Variants in ZFYVE21 observed in about 807,000 individuals in gnomAD.
ZFYVE21 encodes zinc finger FYVE-type containing 21.
A neutral mutation model predicts 29.5 loss-of-function variants in ZFYVE21; 21 were observed. The ratio of observed to expected loss-of-function variants is 0.71; its 90% CI spans 0.50 to 1.02. The LOEUF (loss-of-function observed/expected upper bound fraction) is 1.02. Among genes scored for constraint, ZFYVE21 ranks in the 50% least tolerant of loss-of-function variants. The pLI is 0.00. For synonymous variants in ZFYVE21, 151 were observed against 133.8 expected (o/e 1.13, Z -0.89); for missense variants, 326 against 335.4 (o/e 0.97, Z 0.22).
At chr14:103,719,134 T>A (rs530832564) in intron 1 of ZFYVE21, among the ~76,000 whole-genome samples, 3 of 152,024 alleles carry the variant, frequency 2.0e-5, no homozygotes, top group Non-Finnish European at 2.9e-5. Flanking sequence ...AAAAATTAGC[T>A]GGGCGTGGTG....
At chr14:103,720,279 GGGTTCCTTTTCTGTTTGTA>G (rs2083861945) in intron 1 of ZFYVE21, among the ~76,000 whole-genome samples, 1 of 152,212 alleles carries the variant, frequency 6.6e-6, no homozygotes, top group Non-Finnish European at 1.5e-5. Flanking sequence ...TCTTTGACGT[GGGTTCCTTTTCTGTTTGTA>G]GGAGTTACGC....
chr14:103,726,949 T>TTTTTTTTTG, intron 2 of ZFYVE21, 107 bp downstream of exon 2: 13 of 686,790 alleles, frequency 1.9e-5, no homozygotes, highest in South Asian at 7.4e-5. Flanking sequence ...TTATGGCTCG[T>TTTTTTTTTG]TTTTTTTTTT....
In ZFYVE21 at chr14:103,732,640, G is replaced by C. The variant is rs1344867677; in HGVS notation, c.547G>C (p.Gly183Arg). ...TCCAGGAGGCAACGCACGGGCCACA[G>C]GCATGTTCCTGCAGTATACAGTGCC... ...PPGGGNARATGMFLQYTVPGT... is the reference protein window; with the variant it reads ...PPGGGNARATRMFLQYTVPGT... Residue 183 changes from glycine to arginine, a missense_variant, in exon 6 of 7, where the codon GGC becomes CGC. Physicochemically the swap from Gly to Arg is moderately radical, Grantham distance 125. Coordinates refer to ENST00000311141, the MANE Select transcript of ZFYVE21 (RefSeq NM_024071.4). The C allele has an allele frequency of 1.9e-6, 3 of 1,594,562 alleles. No homozygotes were observed. In the African/African-American group the frequency reaches 4.1e-5, roughly 22 times the overall value.
intron 5 of ZFYVE21, 72 bp from the exon 6 acceptor site, chr14:103,732,548 G>A (rs570293327): frequency 2.4e-5 from 36 of 1,494,734 alleles, no homozygotes; most frequent in East Asian, 9.4e-5. Context: ...GCTGGCCACC[G>A]CCTTGGGGCT....
Position 103,732,687 on chromosome 14 carries a change from GCTGAAGCTGAC to G in ZFYVE21, c.595_605del (p.Leu199SerfsTer28). On this transcript the variant is annotated frameshift_variant, in exon 6 of 7. Coordinates refer to ENST00000311141, the MANE Select transcript of ZFYVE21 (RefSeq NM_024071.4). LOFTEE classifies it high-confidence loss of function. ...TGCCGGGGACGGAGGGTGTGACCCA[GCTGAAGCTGAC>G]AGTGGTGGAGGACGTGACTGTGGGC... 2 of 1,613,186 alleles carry G rather than the reference GCTGAAGCTGAC, an allele frequency of 1.2e-6. No homozygotes were observed. The highest frequency in any genetic ancestry group is 1.7e-6 in the Non-Finnish European group (2 of 1,179,704).
chr14:103,727,864 C>A lies in ZFYVE21; in HGVS notation c.308C>A (p.Ser103Tyr), dbSNP rs1490431827. ...CAGTGCGCGGAGTGCGCCCTCGTGTCCCTCAAGGAGGCGGAGTTCTACGAC... is the reference window on the plus strand; with the variant it reads ...CAGTGCGCGGAGTGCGCCCTCGTGTACCTCAAGGAGGCGGAGTTCTACGAC... ...VRQCAECALVSLKEAEFYDKQ... is the reference protein window; with the variant it reads ...VRQCAECALVYLKEAEFYDKQ... Residue 103 changes from serine to tyrosine, a missense_variant, in exon 3 of 7, where the codon TCC becomes TAC. Physicochemically the swap from Ser to Tyr is moderately radical, Grantham distance 144. Coordinates refer to ENST00000311141, the MANE Select transcript of ZFYVE21 (RefSeq NM_024071.4). 1 of 1,612,996 alleles carries A rather than the reference C, an allele frequency of 6.2e-7. No individual in the cohort carries two copies. Among genetic ancestry groups the A allele is most frequent in the African/African-American group, 1.3e-5 (1 of 74,942 alleles).
intron 1 of ZFYVE21, 187 bp from the exon 2 acceptor site, chr14:103,726,605 G>A (rs1040249754): frequency 9.4e-5 from 66 of 699,984 alleles, no homozygotes; most frequent in Middle Eastern, 4.2e-4. Flanking sequence ...GCACCCCACC[G>A]CATTGGCTCT....
intron 5 of ZFYVE21, chr14:103,730,868 T>G (rs1010770906): frequency 6.6e-6 from 1 of 152,308 alleles, no homozygotes; most frequent in Non-Finnish European, 1.5e-5. Context: ...TATGATCCAG[T>G]GGTGCTTTAT....
intron 3 of ZFYVE21, 81 bp from the exon 4 acceptor site, chr14:103,728,827 C>T (rs925734832): frequency 1.1e-5 from 15 of 1,358,658 alleles, no homozygotes; most frequent in South Asian, 1.1e-4. Context: ...TCTGTGCGTG[C>T]GTCTCCTACT....
At chr14:103,718,680 C>T (rs938364101) in intron 1 of ZFYVE21, among the ~76,000 whole-genome samples, 21 of 152,158 alleles carry the variant, frequency 1.4e-4, no homozygotes, top group African/African-American at 4.1e-4. Context: ...GTGGGCGGTC[C>T]GGGCGTGCAG....
chr14:103,718,910 C>G lies in ZFYVE21; in HGVS notation c.138+2931C>G, dbSNP rs116179029. Among the ~76,000 whole-genome samples the G allele has an allele frequency of 6.3e-3, 963 of 152,294 alleles. 12 individuals carry two copies. The highest frequency in any genetic ancestry group is 0.022 in the African/African-American group (920 of 41,542). ...AGCCTGGACTCGGATGAGGAGAGATCTGAAGTGAGGACTGTTGCTAGAGGC... is the reference window on the plus strand; with the variant it reads ...AGCCTGGACTCGGATGAGGAGAGATGTGAAGTGAGGACTGTTGCTAGAGGC... On this transcript the variant is annotated intron_variant, in intron 1 of 6. Transcript: ENST00000311141.
chr14:103,727,965 C>T (rs778548066), intron 3 of ZFYVE21, 51 bp downstream of exon 3: 2 of 1,555,154 alleles, frequency 1.3e-6, no homozygotes, highest in East Asian at 2.3e-5. Flanking sequence ...GCCGGCTCCT[C>T]GTGTCTGTGG....
intron 3 of ZFYVE21, 120 bp downstream of exon 3, chr14:103,728,034 C>CCCTT: frequency 3.7e-6 from 4 of 1,087,620 alleles, no homozygotes; most frequent in Non-Finnish European, 5.1e-6. Context: ...CGCCCTCCCT[C>CCCTT]CCTTCCCCGT....
intron 1 of ZFYVE21, chr14:103,724,504 C>T (rs760951838): frequency 2.6e-5 from 4 of 152,270 alleles, no homozygotes; most frequent in Non-Finnish European, 4.4e-5. Context: ...AGACTTCAGG[C>T]CCTCAGTTTA....
intron 1 of ZFYVE21, among the ~76,000 whole-genome samples, chr14:103,722,355 T>C (rs940176045): frequency 6.9e-6 from 1 of 144,704 alleles, no homozygotes; most frequent in African/African-American, 2.5e-5. Context: ...CTGTCTCTTT[T>C]TTTTTTTTTT....
chr14:103,721,439 C>T (rs1198502729), intron 1 of ZFYVE21, among the ~76,000 whole-genome samples: 3 of 152,242 alleles, frequency 2.0e-5, no homozygotes, highest in South Asian at 2.1e-4. Context: ...CTGTGATTGG[C>T]CCTGCAAGGT....
chr14:103,722,083 C>T (rs1214420200), intron 1 of ZFYVE21, among the ~76,000 whole-genome samples: 3 of 152,176 alleles, frequency 2.0e-5, no homozygotes, highest in Admixed American at 6.5e-5. Context: ...GTCTGGGGCC[C>T]GGCTTGCTGT....
chr14:103,719,036 A>G (rs1020561040), intron 1 of ZFYVE21, among the ~76,000 whole-genome samples: 7 of 152,174 alleles, frequency 4.6e-5, no homozygotes, highest in African/African-American at 1.7e-4. Flanking sequence ...AGGAGTGGCC[A>G]AGGCTAGAAA....
chr14:103,722,064 G>A (rs1263022023), intron 1 of ZFYVE21, among the ~76,000 whole-genome samples: 1 of 152,228 alleles, frequency 6.6e-6, no homozygotes, highest in Non-Finnish European at 1.5e-5. Context: ...AGGCGCTGGT[G>A]GGAGCCTGGT....
Sources: allele counts gnomAD v4.1 joint callset (sites outside exome capture counted in the v4.1 genomes callset), GRCh38; gene constraint gnomAD v4.1.1; transcripts MANE v1.5; gene names NCBI Gene and HGNC (gene_info 2026-07-23, HGNC 2026-07-21).